The following ARFGEF2 variants were observed in gnomAD, a reference collection of about 807,000 sequenced individuals.
The protein encoded by ARFGEF2 is brefeldin A-inhibited guanine nucleotide-exchange protein 2.
In ARFGEF2, 74 loss-of-function variants were observed where a neutral mutation model predicts 219.9. That is an observed-to-expected ratio of 0.34 (90% CI 0.28 to 0.41). The LOEUF (loss-of-function observed/expected upper bound fraction) is 0.41. Ranked by LOEUF, ARFGEF2 falls within the 10% of genes least tolerant of loss-of-function variation. ARFGEF2 has a pLI of 1.00. For missense variants in ARFGEF2, 1,743 were observed against 2,218.3 expected (o/e 0.79, Z 4.30); for synonymous variants, 733 against 799.2 (o/e 0.92, Z 1.40).
chr20:49,034,336 C>T lies in ARFGEF2; in HGVS notation c.*1137C>T, dbSNP rs545395849. 6.6e-6 allele frequency: 1 copy of T among 152,358 alleles called. No homozygotes were observed. Among genetic ancestry groups the T allele is most frequent in the South Asian group, 2.1e-4 (1 of 4,828 alleles). The allele number at this position is 152,358 out of a possible 1,614,324, so 9.4% of individuals were successfully genotyped here. ...TGCCCAGCACTTCCATTAATCTGAG[C>T]CTAGGAGTTGAATTCTTTGGCAAGG... On this transcript the variant is annotated 3_prime_UTR_variant, in exon 39 of 39. Coordinates refer to ENST00000371917, the MANE Select transcript of ARFGEF2 (RefSeq NM_006420.3).
chr20:48,923,910 A>T (rs964488385), intron 1 of ARFGEF2, among the ~76,000 whole-genome samples: 1 of 152,198 alleles, frequency 6.6e-6, no homozygotes, highest in Admixed American at 6.5e-5. Flanking sequence ...TCCTAACACA[A>T]GTAGTGGAAT....
At chr20:49,022,173 A>AAG (rs2091569155) in intron 34 of ARFGEF2, among the ~76,000 whole-genome samples, 1 of 151,794 alleles carries the variant, frequency 6.6e-6, no homozygotes, top group East Asian at 1.9e-4. Context: ...AAAAAAAAAA[A>AAG]AAATGTTAAC....
At chr20:49,015,729 C>T (rs2091525727) in intron 30 of ARFGEF2, among the ~76,000 whole-genome samples, 1 of 152,188 alleles carries the variant, frequency 6.6e-6, no homozygotes, top group Non-Finnish European at 1.5e-5. Flanking sequence ...CAGGTCTTCT[C>T]ATTTTAATTT....
rs764293660 is a variant in ARFGEF2, at chr20:48,941,971, C to G, written c.260C>G (p.Ser87Cys). Reference sequence around the variant, plus strand: ...AAGTCCCCAAGGGTAGTCAGCACATCCCTTGACTGCTTGCAGGTACCATGT... The same window carrying G: ...AAGTCCCCAAGGGTAGTCAGCACATGCCTTGACTGCTTGCAGGTACCATGT... Reference protein sequence around the residue: ...QSKSPRVVSTSLDCLQKLIAY... With the variant: ...QSKSPRVVSTCLDCLQKLIAY... Residue 87 changes from serine to cysteine, a missense_variant, in exon 3 of 39, where the codon TCC (serine) becomes TGC (cysteine). By Grantham distance (112) the Ser-to-Cys change is moderately radical. Transcript: ENST00000371917. 8.1e-6 allele frequency: 13 copies of G among 1,614,092 alleles called. No individual in the cohort carries two copies. In the Admixed American group the frequency reaches 2.2e-4, roughly 27 times the overall value.
rs757674513 is a variant in ARFGEF2, at chr20:49,016,248, A to G, written c.4180-32A>G. On this transcript the variant is annotated intron_variant, in intron 30 of 38. Coordinates refer to ENST00000371917, the MANE Select transcript of ARFGEF2 (RefSeq NM_006420.3). ...ATGCCCATCTCACTGCAGGGAGAAT[A>G]GCTTTTAAGTGTCATCTTTTTGTTT... 5 of 1,612,014 alleles carry G rather than the reference A, an allele frequency of 3.1e-6. No individual in the cohort carries two copies. The Admixed American group carries it at 8.3e-5, about 27-fold the overall frequency.
intron 21 of ARFGEF2, 22 bp downstream of exon 21, chr20:48,991,220 C>CT: frequency 6.2e-7 from 1 of 1,614,060 alleles, no homozygotes; most frequent in Non-Finnish European, 8.5e-7. Context: ...TTTGAATTGC[C>CT]TTTTCTCAGT....
intron 6 of ARFGEF2, among the ~76,000 whole-genome samples, chr20:48,961,772 G>C (rs760654967): frequency 6.6e-5 from 10 of 151,834 alleles, no homozygotes; most frequent in Non-Finnish European, 1.3e-4. Context: ...GCTGAGGCAG[G>C]AGAATTGCTT....
chr20:49,022,910 T>C, intron 34 of ARFGEF2, 141 bp from the exon 35 acceptor site: 1 of 1,158,400 alleles, frequency 8.6e-7, no homozygotes, highest in Non-Finnish European at 1.2e-6. Context: ...AAACCAGGAG[T>C]TCAGGACCAG....
At position 49,015,331 on chromosome 20, in the gene ARFGEF2, C is replaced by T. The variant is rs1287233120; in HGVS notation, c.4180-949C>T. Among the ~76,000 whole-genome samples, 5 of 152,302 alleles carry T rather than the reference C, an allele frequency of 3.3e-5. No individual in the cohort carries two copies. The South Asian group carries it at 1.0e-3, about 32-fold the overall frequency. On this transcript the variant is annotated intron_variant, in intron 30 of 38. Transcript: ENST00000371917. ...ATCTCACCATGTTGGCCAGGCTGGT[C>T]TCAAACTCCTGACCTCAAGTGATCC...
chr20:49,007,441 C>A (rs2091469011), intron 26 of ARFGEF2, among the ~76,000 whole-genome samples: 1 of 152,058 alleles, frequency 6.6e-6, no homozygotes, highest in African/African-American at 2.4e-5. Context: ...AGGCATGCAC[C>A]ACCATGCCCA....
intron 6 of ARFGEF2, among the ~76,000 whole-genome samples, chr20:48,957,307 A>G (rs1460391446): frequency 2.0e-5 from 3 of 152,232 alleles, no homozygotes; most frequent in African/African-American, 7.2e-5. Flanking sequence ...AAATGTAGGC[A>G]CATTCCCTCC....
intron 1 of ARFGEF2, among the ~76,000 whole-genome samples, chr20:48,933,691 C>T (rs1488490702): frequency 2.0e-5 from 3 of 152,066 alleles, no homozygotes; most frequent in Non-Finnish European, 4.4e-5. Flanking sequence ...TGCCAGCTGC[C>T]GCCTTAGTCA....
intron 1 of ARFGEF2, among the ~76,000 whole-genome samples, chr20:48,925,080 TA>T (rs1411769159): frequency 4.6e-5 from 7 of 152,226 alleles, no homozygotes; most frequent in African/African-American, 1.7e-4. Flanking sequence ...AGAATGTAAT[TA>T]CGTGATTGAA....
chr20:49,011,455 A>G (rs897573960), intron 27 of ARFGEF2, among the ~76,000 whole-genome samples: 4 of 152,200 alleles, frequency 2.6e-5, no homozygotes, highest in African/African-American at 9.7e-5. Flanking sequence ...TAAATACAAC[A>G]ACTTGCCTGA....
At chr20:49,010,817 T>G (rs778620860) in intron 27 of ARFGEF2, among the ~76,000 whole-genome samples, 1 of 152,248 alleles carries the variant, frequency 6.6e-6, no homozygotes. Context: ...CTCATGGTGC[T>G]TTTGTGGTCA....
intron 26 of ARFGEF2, among the ~76,000 whole-genome samples, chr20:49,007,096 G>T (rs886535412): frequency 2.6e-5 from 4 of 152,132 alleles, no homozygotes; most frequent in African/African-American, 9.7e-5. Flanking sequence ...CATTGTAGTT[G>T]TCCAGGTTTG....
chr20:48,938,786 G>A (rs543711981), intron 1 of ARFGEF2, among the ~76,000 whole-genome samples: 16 of 152,124 alleles, frequency 1.1e-4, no homozygotes, highest in Admixed American at 8.5e-4. Context: ...TGAGCTGAGG[G>A]ACTCTAAAGA....
chr20:48,974,963 A>T (rs2091252066), intron 13 of ARFGEF2, 89 bp downstream of exon 13: 5 of 1,173,256 alleles, frequency 4.3e-6, no homozygotes, highest in Non-Finnish European at 6.2e-6. Flanking sequence ...GTTGTCTTAG[A>T]ATTGAAAAAG....
intron 25 of ARFGEF2, 54 bp downstream of exon 25, chr20:48,998,559 A>G: frequency 6.5e-7 from 1 of 1,547,040 alleles, no homozygotes; most frequent in Non-Finnish European, 8.8e-7. Context: ...AAAGTAGACA[A>G]CTGAATTCAA....
Sources: allele counts gnomAD v4.1 joint callset (sites outside exome capture counted in the v4.1 genomes callset), GRCh38; gene constraint gnomAD v4.1.1; transcripts MANE v1.5; gene names NCBI Gene and HGNC (gene_info 2026-07-23, HGNC 2026-07-21).